SYNE1: variants seen among roughly 807,000 people sequenced by gnomAD.
The protein encoded by SYNE1 is spectrin repeat containing nuclear envelope protein 1, also known as nesprin-1.
A neutral mutation model predicts 1,111.0 loss-of-function variants in SYNE1; 616 were observed. The observed-to-expected ratio is 0.55, with a 90% confidence interval of 0.52 to 0.59. The LOEUF (loss-of-function observed/expected upper bound fraction) is 0.59. Ranked by LOEUF, SYNE1 falls within the 20% of genes least tolerant of loss-of-function variation. SYNE1 has a pLI of 0.00. For synonymous variants in SYNE1, 3,855 were observed against 3,825.8 expected, an observed-to-expected ratio of 1.01 and a Z score of -0.28; for missense variants, 10,006 against 10,417.0, an observed-to-expected ratio of 0.96 and a Z score of 1.72.
chr6:152,164,646 AC>A (rs1371789983), intron 130 of SYNE1, among the ~76,000 whole-genome samples: 4 of 152,212 alleles, frequency 2.6e-5, no homozygotes, highest in African/African-American at 9.6e-5. Context: ...CAACTCCATT[AC>A]TACCTACTTA....
chr6:152,575,637 A>C (rs2128354440), intron 3 of SYNE1, among the ~76,000 whole-genome samples: 1 of 152,350 alleles, frequency 6.6e-6, no homozygotes, highest in Admixed American at 6.5e-5. Context: ...ATAAATAAAC[A>C]TGATCTTTGC....
In SYNE1 at chr6:152,145,559, CA is replaced by C. The variant is rs764854502; in HGVS notation, c.24977-1795del. The C allele has an allele frequency of 2.5e-6, 4 of 1,612,152 alleles. No individual in the cohort carries two copies. Among genetic ancestry groups the C allele is most frequent in the South Asian group, 2.2e-5 (2 of 91,006 alleles). ...GGGCTTTCGGGGATCATTACATCTG[CA>C]AAAAAAGCACAGTCTAAGTTGACAG... On this transcript the variant is annotated intron_variant, in intron 137 of 145. Transcript: ENST00000367255.
At chr6:152,320,261 A>G (rs1245552863) in intron 84 of SYNE1, 3 of 152,248 alleles carry the variant, frequency 2.0e-5, no homozygotes, top group Non-Finnish European at 4.4e-5. Context: ...TTAAAATAGT[A>G]AAGAGCATTT....
intron 127 of SYNE1, among the ~76,000 whole-genome samples, chr6:152,190,285 C>T (rs2813526): frequency 0.39 from 59,743 of 151,834 alleles, 11,945 homozygotes; most frequent in African/African-American, 0.48. Flanking sequence ...TAACTCTAGT[C>T]CTCTTGATGT....
intron 16 of SYNE1, among the ~76,000 whole-genome samples, chr6:152,467,025 T>A (rs1277201532): frequency 2.0e-5 from 3 of 152,108 alleles, no homozygotes; most frequent in Non-Finnish European, 4.4e-5. Context: ...AGAGGAAACA[T>A]TATTCATGCA....
At position 152,421,065 on chromosome 6, in the gene SYNE1, G is replaced by A. The variant is rs539772435; in HGVS notation, c.5268-1343C>T. ...TTTTCAGATATGATCAGACTGCTTT[G>A]AGGAATTCAGAAAAACTTTATAGAA... On this transcript the variant is annotated intron_variant, in intron 39 of 145. Transcript: ENST00000367255. 7.9e-5 allele frequency among the ~76,000 whole-genome samples: 12 copies of A among 152,294 alleles called. No homozygotes were observed. In the South Asian group the frequency reaches 2.3e-3, roughly 29 times the overall value.
chr6:152,486,207 T>A lies in SYNE1; in HGVS notation c.1048-1235A>T, dbSNP rs200410531. 7.3e-5 allele frequency among the ~76,000 whole-genome samples: 7 copies of A among 95,982 alleles called. No individual in the cohort carries two copies. The Admixed American group carries it at 7.5e-4, about 10-fold the overall frequency. The allele number at this position is 95,982 out of a possible 152,430, so 63.0% of individuals were successfully genotyped here. A position where few individuals can be genotyped will look rare whatever the true frequency, so the allele number is the denominator to read the frequency against. On this transcript the variant is annotated intron_variant, in intron 12 of 145. Coordinates refer to ENST00000367255, the MANE Select transcript of SYNE1 (RefSeq NM_182961.4). ...AGAGTGACACTCTGACTAAAAAAAA[T>A]ATTAAAAAAAACAACAAAAAAATAA...
In SYNE1 at chr6:152,442,100, CG is replaced by C; in HGVS notation, c.3982del (p.Arg1328GlyfsTer12). On this transcript the variant is annotated frameshift_variant, in exon 31 of 146. Transcript: ENST00000367255. LOFTEE classifies it high-confidence loss of function. ...ESTLDGLERSRERQERRIQVT... is the reference protein window; with the variant it reads ...ESTLDGLERSXERQERRIQVT... Reference sequence around the variant, plus strand: ...CTGGATGCGGCGTTCCTGCCTCTCCCGGCTGCGCTCCAGGCCATCCAGTGTG... The same window carrying C: ...CTGGATGCGGCGTTCCTGCCTCTCCCGCTGCGCTCCAGGCCATCCAGTGTG... The C allele has an allele frequency of 6.2e-7, 1 of 1,614,106 alleles. No homozygotes were observed. Among genetic ancestry groups the C allele is most frequent in the Non-Finnish European group, 8.5e-7 (1 of 1,180,032 alleles).
intron 145 of SYNE1, chr6:152,127,035 C>T (rs1478276673): frequency 2.0e-5 from 3 of 152,144 alleles, no homozygotes; most frequent in East Asian, 3.8e-4. Flanking sequence ...CTTTGAAACC[C>T]AGTGTTTCCT....
At chr6:152,311,004 T>C in intron 87 of SYNE1, 131 bp from the exon 88 acceptor site, 1 of 895,528 alleles carries the variant, frequency 1.1e-6, no homozygotes, top group East Asian at 2.6e-5. Context: ...TCACCCCCCA[T>C]GACCACTTTC....
intron 3 of SYNE1, among the ~76,000 whole-genome samples, chr6:152,603,411 C>T (rs2099600851): frequency 6.6e-6 from 1 of 152,098 alleles, no homozygotes; most frequent in South Asian, 2.1e-4. Flanking sequence ...AACGAAAATG[C>T]TATGGACTGT....
rs11387272 is a variant in SYNE1 at position 152,606,976 on chromosome 6, C to CTTTTTTTTTTTTTTT, written c.67+21288_67+21289insAAAAAAAAAAAAAAA. 4.9e-4 allele frequency among the ~76,000 whole-genome samples: 53 copies of CTTTTTTTTTTTTTTT among 109,126 alleles called. 3 individuals carry two copies. The highest frequency in any genetic ancestry group is 1.9e-3 in the African/African-American group (51 of 26,802). The allele number at this position is 109,126 out of a possible 152,430, so 71.6% of individuals were successfully genotyped here. ...GCAAAAGGAAAGGCATGCCTCGGTTCTCTTTTTTTTTTTTTTTTTTTTTTT... is the reference window on the plus strand; with the variant it reads ...GCAAAAGGAAAGGCATGCCTCGGTTCTTTTTTTTTTTTTTTTCTTTTTTTTTTTTTTTTTTTTTTT... On this transcript the variant is annotated intron_variant, in intron 3 of 145. Coordinates refer to ENST00000367255, the MANE Select transcript of SYNE1 (RefSeq NM_182961.4).
At chr6:152,428,455 T>G in intron 36 of SYNE1, 63 bp from the exon 37 acceptor site, 2 of 1,557,246 alleles carry the variant, frequency 1.3e-6, no homozygotes, top group South Asian at 1.1e-5. Context: ...GCATTTTTCT[T>G]TGACACCGAT....
chr6:152,409,414 T>C (rs931812192), intron 43 of SYNE1, 145 bp downstream of exon 43: 41 of 1,209,862 alleles, frequency 3.4e-5, no homozygotes, highest in Admixed American at 8.4e-5. Flanking sequence ...AATGTCAGCA[T>C]TCCTAGGGGA....
At chr6:152,374,281 T>A (rs1049649649) in intron 58 of SYNE1, among the ~76,000 whole-genome samples, 1 of 152,210 alleles carries the variant, frequency 6.6e-6, no homozygotes, top group East Asian at 1.9e-4. Context: ...CGATTCTCAA[T>A]ATTTTCAAGT....
At chr6:152,346,972 C>T in intron 73 of SYNE1, 87 bp downstream of exon 73, 1 of 1,492,204 alleles carries the variant, frequency 6.7e-7, no homozygotes, top group South Asian at 1.3e-5. Context: ...AAGATTTGAG[C>T]ATCGATTCTA....
chr6:152,245,810 T>C (rs1272331978), intron 105 of SYNE1, among the ~76,000 whole-genome samples: 1 of 152,148 alleles, frequency 6.6e-6, no homozygotes, highest in Non-Finnish European at 1.5e-5. Flanking sequence ...AACCCACAGA[T>C]GCCCCTCCTT....
At chr6:152,298,536 A>G (rs1490917760) in intron 93 of SYNE1, among the ~76,000 whole-genome samples, 1 of 152,028 alleles carries the variant, frequency 6.6e-6, no homozygotes, top group African/African-American at 2.4e-5. Context: ...ACGGAGATCT[A>G]CTTGCAGGAA....
At chr6:152,550,309 T>A (rs2099335299) in intron 3 of SYNE1, among the ~76,000 whole-genome samples, 1 of 152,178 alleles carries the variant, frequency 6.6e-6, no homozygotes, top group Non-Finnish European at 1.5e-5. Context: ...TCTGATAGTG[T>A]GTTTGATTTA....
Sources: allele counts gnomAD v4.1 joint callset (sites outside exome capture counted in the v4.1 genomes callset), GRCh38; gene constraint gnomAD v4.1.1; transcripts MANE v1.5; gene names NCBI Gene and HGNC (gene_info 2026-07-23, HGNC 2026-07-21).